PACS1: variants seen among roughly 807,000 people sequenced by gnomAD.
The protein encoded by PACS1 is PACS-1.
PACS1 carries 24 observed loss-of-function variants against 115.0 expected under a neutral mutation model. The observed-to-expected ratio is 0.21, with a 90% CI of 0.15 to 0.29. The LOEUF is 0.29. PACS1 is among the 10% of genes least tolerant of loss of function. The probability of loss-of-function intolerance (pLI) is 1.00; values close to 1 mark genes in which losing one functional copy is unlikely to be tolerated. For synonymous variants in PACS1, 453 were observed against 504.5 expected (o/e 0.90, Z 1.37); for missense variants, 838 against 1,251.2 (o/e 0.67, Z 4.98).
rs1177195480 is a variant in PACS1 at position 66,236,585 on chromosome 11, C to T, written c.2250+645C>T. On this transcript the variant is annotated intron_variant, in intron 19 of 23. Transcript: ENST00000320580. The surrounding 1 kb of genome is among the most constrained non-coding windows in gnomAD (Gnocchi z 4.2). Reference sequence around the variant, plus strand: ...GGATGTCTCATGGCAGGTGCATTGCCGGCTGTCTGTTCATCAGCAGCTGGG... The same window carrying T: ...GGATGTCTCATGGCAGGTGCATTGCTGGCTGTCTGTTCATCAGCAGCTGGG... Among the ~76,000 whole-genome samples the T allele has an allele frequency of 3.3e-5, 5 of 152,094 alleles. No individual in the cohort carries two copies. The highest frequency in any genetic ancestry group is 7.4e-5 in the Non-Finnish European group (5 of 68,022).
intron 17 of PACS1, 47 bp downstream of exon 17, chr11:66,234,289 G>C (rs1207638492): frequency 7.6e-7 from 1 of 1,309,232 alleles, no homozygotes; most frequent in African/African-American, 1.5e-5. Flanking sequence ...GGGGTCCACA[G>C]GTGCCAGCCT....
In PACS1 at chr11:66,070,946, C is replaced by G. The variant is rs969271653; in HGVS notation, c.356+104C>G. The stretch of plus-strand genomic sequence containing the variant: ...ATGGGGTCCCCGCCCTCCATCTCCC[C>G]GACTGTCCCGCGGCCCGGCCTGGCT... On this transcript the variant is annotated intron_variant, in intron 1 of 23. Coordinates refer to ENST00000320580, the MANE Select transcript of PACS1 (RefSeq NM_018026.4). This position sits in a 1 kb window ranked among gnomAD's most constrained non-coding sequence, Gnocchi z 5.9. The G allele has an allele frequency of 2.6e-4, 303 of 1,162,178 alleles. No individual in the cohort carries two copies. The highest frequency in any genetic ancestry group is 3.2e-4 in the Non-Finnish European group (290 of 893,256). 72.0% of individuals were successfully genotyped at this position (1,162,178 alleles called of 1,614,324 possible). A position where few individuals can be genotyped will look rare whatever the true frequency, so the allele number is the denominator to read the frequency against.
At chr11:66,194,667 A>G (rs1422810973) in intron 2 of PACS1, among the ~76,000 whole-genome samples, 1 of 152,232 alleles carries the variant, frequency 6.6e-6, no homozygotes, top group Admixed American at 6.5e-5. Flanking sequence ...GAGTCACTAA[A>G]TAATGACTGG....
At chr11:66,119,290 T>C (rs1858388321) in intron 1 of PACS1, among the ~76,000 whole-genome samples, 1 of 152,230 alleles carries the variant, frequency 6.6e-6, no homozygotes, top group Admixed American at 6.5e-5. Context: ...GAAAATTATA[T>C]GAAATTCAAA....
At chr11:66,137,452 C>A (rs1002046969) in intron 1 of PACS1, among the ~76,000 whole-genome samples, 4 of 152,034 alleles carry the variant, frequency 2.6e-5, no homozygotes, top group African/African-American at 9.7e-5. Flanking sequence ...TGGATTTATT[C>A]CTAGAGTGTT....
intron 2 of PACS1, 76 bp from the exon 3 acceptor site, chr11:66,210,286 T>TC: frequency 4.4e-6 from 5 of 1,127,054 alleles, no homozygotes. Context: ...TCCTTCTGCC[T>TC]CAGCCTCCCA....
chr11:66,118,138 G>A (rs1270106731), intron 1 of PACS1, among the ~76,000 whole-genome samples: 1 of 152,198 alleles, frequency 6.6e-6, no homozygotes, highest in African/African-American at 2.4e-5. Flanking sequence ...CTGGCTTTGA[G>A]GTAGGTATAA....
At chr11:66,211,949 C>T (rs375077655) in intron 4 of PACS1, among the ~76,000 whole-genome samples, 1 of 152,006 alleles carries the variant, frequency 6.6e-6, no homozygotes, top group South Asian at 2.1e-4. Flanking sequence ...TTTAAGCGCA[C>T]AGGCTGGTTA....
At chr11:66,138,450 G>A (rs1239388656) in intron 1 of PACS1, among the ~76,000 whole-genome samples, 1 of 152,042 alleles carries the variant, frequency 6.6e-6, no homozygotes, top group East Asian at 1.9e-4. Flanking sequence ...ATACTTTGCA[G>A]GACCAAGACT....
At chr11:66,217,523 G>A (rs1565151360) in intron 7 of PACS1, 1 of 456,072 alleles carries the variant, frequency 2.2e-6, no homozygotes, top group Non-Finnish European at 4.4e-6. Flanking sequence ...CTAGCCTAGG[G>A]ACCAAACCCC....
rs370671565 is a variant in PACS1 at position 66,133,153 on chromosome 11, G to A, written c.357-60333G>A. Among the ~76,000 whole-genome samples the A allele has an allele frequency of 7.9e-5, 12 of 152,124 alleles. No individual in the cohort carries two copies. The East Asian group carries it at 1.9e-3, about 24-fold the overall frequency. The stretch of plus-strand genomic sequence containing the variant: ...TACATTCTGACTCCAGAAAATTTCT[G>A]GAATCTGTCCTGGGCACTTTATGGC... On this transcript the variant is annotated intron_variant, in intron 1 of 23. Coordinates refer to ENST00000320580, the MANE Select transcript of PACS1 (RefSeq NM_018026.4).
At chr11:66,240,825 AGT>A (rs935420706) in intron 21 of PACS1, 4 of 150,242 alleles carry the variant, frequency 2.7e-5, no homozygotes, top group Non-Finnish European at 5.9e-5. Context: ...GAAAGAGAAA[AGT>A]CAGATGACTT....
intron 1 of PACS1, among the ~76,000 whole-genome samples, chr11:66,138,084 GTTTATTTATTTA>G (rs56348908): frequency 6.7e-6 from 1 of 149,288 alleles, no homozygotes; most frequent in Non-Finnish European, 1.5e-5. Context: ...ATTTTGCCCC[GTTTATTTATTTA>G]TTTATTTATT....
At position 66,230,560 on chromosome 11, in the gene PACS1, C is replaced by G; in HGVS notation, c.1387C>G (p.Gln463Glu). 1 of 1,613,502 alleles carries G rather than the reference C, an allele frequency of 6.2e-7. No individual in the cohort carries two copies. The highest frequency in any genetic ancestry group is 2.2e-5 in the East Asian group (1 of 44,870). Residue 463 changes from glutamine to glutamate, a missense_variant, in exon 12 of 24, where the codon CAG becomes GAG. By Grantham distance (29) the Gln-to-Glu change is conservative. This residue lies in a region of PACS1 where 383 missense variants were observed against 537.0 expected (regional missense o/e 0.71). Transcript: ENST00000320580. ...TCCTCCATGGTAGGAAATCACTGAC[C>G]AGGACATGTTTGGAGATGCCAGCAC... ...TETDTLEITD[Q>E]DMFGDASTSL...
intron 1 of PACS1, among the ~76,000 whole-genome samples, chr11:66,086,123 G>A (rs1857562415): frequency 6.7e-6 from 1 of 148,992 alleles, no homozygotes; most frequent in African/African-American, 2.5e-5. Context: ...GTGAAAAAAT[G>A]CTTATGATTT....
At chr11:66,218,994 C>T (rs563122215) in intron 7 of PACS1, among the ~76,000 whole-genome samples, 5 of 152,092 alleles carry the variant, frequency 3.3e-5, no homozygotes, top group South Asian at 4.2e-4. Context: ...ACCCAGGCTT[C>T]GGACACGTAC....
intron 1 of PACS1, among the ~76,000 whole-genome samples, chr11:66,109,631 C>G (rs966686217): frequency 2.6e-5 from 4 of 152,164 alleles, no homozygotes; most frequent in Admixed American, 6.5e-5. Context: ...CTCTCCCCAG[C>G]CTTTATCTTC....
chr11:66,205,007 G>A (rs527757170), intron 2 of PACS1, among the ~76,000 whole-genome samples: 234 of 150,962 alleles, frequency 1.6e-3, no homozygotes, highest in African/African-American at 5.3e-3. Context: ...TTTTTGAAAC[G>A]GAGTTTCACT....
intron 14 of PACS1, among the ~76,000 whole-genome samples, chr11:66,232,718 A>C (rs1855621826): frequency 6.6e-6 from 1 of 151,808 alleles, no homozygotes; most frequent in African/African-American, 2.4e-5. Flanking sequence ...GGACACCTGG[A>C]GTGTCCTAGC....
Sources: allele counts gnomAD v4.1 joint callset (sites outside exome capture counted in the v4.1 genomes callset), GRCh38; gene constraint gnomAD v4.1.1; regional missense constraint gnomAD v4.1.1; non-coding constraint Gnocchi (gnomAD v3.1); transcripts MANE v1.5; gene names NCBI Gene and HGNC (gene_info 2026-07-23, HGNC 2026-07-21).